Variants in FRMD4B observed in about 807,000 individuals in gnomAD.
FRMD4B encodes the protein FERM domain-containing protein 4B.
In FRMD4B, 74 loss-of-function variants were observed where a neutral mutation model predicts 141.5. That is an observed-to-expected ratio of 0.52 (90% confidence interval 0.43 to 0.63). The LOEUF (loss-of-function observed/expected upper bound fraction) is 0.63, where lower values mean the gene tolerates loss of function less well. FRMD4B is among the 30% of genes least tolerant of loss of function. The pLI is 0.00. For missense variants in FRMD4B, 1,366 were observed against 1,253.4 expected (o/e 1.09, Z -1.36); for synonymous variants, 506 against 467.9 (o/e 1.08, Z -1.05).
chr3:69,513,548 T>C (rs975181945), intron 1 of FRMD4B, among the ~76,000 whole-genome samples: 3 of 152,172 alleles, frequency 2.0e-5, no homozygotes, highest in African/African-American at 7.2e-5. Context: ...TCCAAACTTA[T>C]TTTATGAGGC....
At chr3:69,505,218 A>C (rs1706576755) in intron 1 of FRMD4B, among the ~76,000 whole-genome samples, 1 of 152,070 alleles carries the variant, frequency 6.6e-6, no homozygotes, top group Non-Finnish European at 1.5e-5. Context: ...AAAAATTAAA[A>C]ATAAAAAAAA....
intron 8 of FRMD4B, among the ~76,000 whole-genome samples, chr3:69,224,064 A>C (rs934510254): frequency 6.6e-6 from 1 of 152,218 alleles, no homozygotes; most frequent in East Asian, 1.9e-4. Context: ...CAAGGAGAAT[A>C]TATTTAACAA....
intron 1 of FRMD4B, among the ~76,000 whole-genome samples, chr3:69,519,797 T>C (rs996159127): frequency 6.6e-6 from 1 of 151,722 alleles, no homozygotes; most frequent in Non-Finnish European, 1.5e-5. Flanking sequence ...CCCCCTCCCA[T>C]CTTTTCCCGA....
chr3:69,402,908 A>G (rs1028883642), intron 2 of FRMD4B, among the ~76,000 whole-genome samples: 1 of 152,358 alleles, frequency 6.6e-6, no homozygotes, highest in Non-Finnish European at 1.5e-5. Context: ...AAGACTCCAG[A>G]AGATTATTTT....
In FRMD4B at chr3:69,195,266, C is replaced by T. The variant is rs2092889652; in HGVS notation, c.1333G>A (p.Val445Ile). The T allele has an allele frequency of 1.2e-6, 2 of 1,613,240 alleles. No homozygotes were observed. Among genetic ancestry groups the T allele is most frequent in the Non-Finnish European group, 1.7e-6 (2 of 1,179,702 alleles). ...AGACAGATCTTCTTAAGCTCCTCAA[C>T]TTTTTTCAGAAGTTTTTCTTGTAAT... ...KLLQEKLLKK[V>I]EELKKICLRE... The change falls in exon 15 of 23, where the codon GTT (valine) becomes ATT (isoleucine). Residue 445 changes from valine to isoleucine, a missense_variant. By Grantham distance (29) the Val-to-Ile change is conservative (BLOSUM62 3). Transcript: ENST00000398540.
intron 18 of FRMD4B, among the ~76,000 whole-genome samples, chr3:69,188,804 T>TG (rs1448019731): frequency 1.4e-5 from 2 of 140,136 alleles, no homozygotes; most frequent in Admixed American, 1.4e-4. Context: ...GATAAAGCAG[T>TG]GGGGGTGTGG....
At chr3:69,339,516 G>A (rs74620902) in intron 1 of FRMD4B, among the ~76,000 whole-genome samples, 3,221 of 152,238 alleles carry the variant, frequency 0.021, 130 homozygotes, top group African/African-American at 0.074. Flanking sequence ...AGCACAGTGC[G>A]TGGCACTCAG....
At position 69,293,407 on chromosome 3, in the gene FRMD4B, A is replaced by G. The variant is rs1484262802; in HGVS notation, c.417-5571T>C. On this transcript the variant is annotated intron_variant, in intron 4 of 22. Transcript: ENST00000398540. ...GTGCCTCTTACCTCTCTTGCCTCAC[A>G]CACTGGAGAAATGAGAGGGTTTGAA... Among the ~76,000 whole-genome samples, 8 of 127,646 alleles carry G rather than the reference A, an allele frequency of 6.3e-5. No homozygotes were observed. In the East Asian group the frequency reaches 2.5e-3, roughly 40 times the overall value. 83.7% of individuals were successfully genotyped at this position (127,646 alleles called of 152,430 possible).
chr3:69,458,849 TAAAAAAAAAAAA>T (rs35229515), intron 1 of FRMD4B, among the ~76,000 whole-genome samples: 2 of 82,172 alleles, frequency 2.4e-5, no homozygotes, highest in South Asian at 4.8e-4. Context: ...ATGGGCTGCT[TAAAAAAAAAAAA>T]AAAAAAAAAA....
chr3:69,336,601 T>A (rs995772413), intron 1 of FRMD4B: 2 of 152,270 alleles, frequency 1.3e-5, no homozygotes, highest in South Asian at 2.1e-4. Context: ...AAAATGGGCA[T>A]GCAAAGATGA....
chr3:69,185,482 A>G (rs2092756546), intron 19 of FRMD4B, among the ~76,000 whole-genome samples: 1 of 152,016 alleles, frequency 6.6e-6, no homozygotes, highest in Non-Finnish European at 1.5e-5. Context: ...AATACTTCCC[A>G]TCTTTGCTGA....
chr3:69,505,083 A>C (rs1291818916), intron 1 of FRMD4B, among the ~76,000 whole-genome samples: 1 of 34,546 alleles, frequency 2.9e-5, no homozygotes, highest in African/African-American at 1.3e-4. Context: ...AAGGAAACAA[A>C]TAGTGGCCAG....
intron 4 of FRMD4B, among the ~76,000 whole-genome samples, chr3:69,296,427 G>T (rs1258660945): frequency 2.0e-5 from 3 of 152,068 alleles, no homozygotes; most frequent in Non-Finnish European, 4.4e-5. Context: ...TTGAGCTCTT[G>T]TGTGAATTAG....
intron 11 of FRMD4B, among the ~76,000 whole-genome samples, chr3:69,201,884 C>G (rs1431430820): frequency 6.6e-6 from 1 of 152,128 alleles, no homozygotes; most frequent in Non-Finnish European, 1.5e-5. Context: ...AAGGCACCCT[C>G]TGGTCAAAAT....
chr3:69,215,415 C>T (rs2093131289), intron 11 of FRMD4B, among the ~76,000 whole-genome samples: 1 of 150,412 alleles, frequency 6.6e-6, no homozygotes, highest in Non-Finnish European at 1.5e-5. Context: ...GCCTCAGCCT[C>T]CCGAGTAGCT....
chr3:69,391,781 G>A (rs1472684909), intron 2 of FRMD4B, among the ~76,000 whole-genome samples: 1 of 152,200 alleles, frequency 6.6e-6, no homozygotes, highest in Non-Finnish European at 1.5e-5. Context: ...AAGGCTGGCT[G>A]GGATGGCTCC....
At chr3:69,439,900 T>A (rs968217390) in intron 1 of FRMD4B, among the ~76,000 whole-genome samples, 2 of 152,242 alleles carry the variant, frequency 1.3e-5, no homozygotes, top group Non-Finnish European at 2.9e-5. Flanking sequence ...AAGTGCCTGT[T>A]AATAAGCTGT....
chr3:69,395,236 G>T (rs373634979), intron 2 of FRMD4B, among the ~76,000 whole-genome samples: 1 of 151,984 alleles, frequency 6.6e-6, no homozygotes, highest in Non-Finnish European at 1.5e-5. Flanking sequence ...ATAATGAACA[G>T]TTATTTTTTT....
intron 1 of FRMD4B, among the ~76,000 whole-genome samples, chr3:69,368,055 T>G (rs1205351040): frequency 6.6e-6 from 1 of 152,254 alleles, no homozygotes; most frequent in African/African-American, 2.4e-5. Flanking sequence ...TCTCTTTTTT[T>G]ATTTTACCTC....
Sources: gnomAD v4.1 joint callset for allele counts (sites outside exome capture counted in the v4.1 genomes callset) on GRCh38, gnomAD v4.1.1 for gene constraint, MANE v1.5 for transcripts, NCBI Gene and HGNC (gene_info 2026-07-23, HGNC 2026-07-21) for gene names.